LRRTM4: variants seen among roughly 807,000 people sequenced by gnomAD.
LRRTM4 encodes leucine rich repeat transmembrane neuronal 4.
LRRTM4 carries 25 observed loss-of-function variants against 47.6 expected under a neutral mutation model. That is an observed-to-expected ratio of 0.53 (90% CI 0.38 to 0.73). The LOEUF (loss-of-function observed/expected upper bound fraction) is 0.73. LRRTM4 is among the 30% of genes least tolerant of loss of function. The pLI, the probability that LRRTM4 is intolerant of heterozygous loss-of-function variation, is 0.00. For missense variants in LRRTM4, 638 were observed against 713.4 expected, an observed-to-expected ratio of 0.89 and a Z score of 1.20; for synonymous variants, 311 against 269.5, an observed-to-expected ratio of 1.15 and a Z score of -1.51.
At chr2:76,874,503 C>G (rs752383836) in intron 3 of LRRTM4, among the ~76,000 whole-genome samples, 30 of 151,804 alleles carry the variant, frequency 2.0e-4, no homozygotes, top group Non-Finnish European at 3.8e-4. Context: ...ATTTTATATG[C>G]TTTAATGAAA....
At chr2:77,510,678 T>C (rs914305048) in intron 3 of LRRTM4, among the ~76,000 whole-genome samples, 1 of 152,056 alleles carries the variant, frequency 6.6e-6, no homozygotes, top group South Asian at 2.1e-4. Flanking sequence ...TTTTGAAGCA[T>C]ATATTGCTTA....
At position 76,974,998 on chromosome 2, in the gene LRRTM4, T is replaced by C. The variant is rs187548023; in HGVS notation, c.1552-226082A>G. On this transcript the variant is annotated intron_variant, in intron 3 of 3. Transcript: ENST00000409884. Reference sequence around the variant, plus strand: ...ATCAATTAAGTGGCACTTTGGAGAGTGATTAGCTATCTATAAATATCCTAT... The same window carrying C: ...ATCAATTAAGTGGCACTTTGGAGAGCGATTAGCTATCTATAAATATCCTAT... Among the ~76,000 whole-genome samples, 330 of 151,768 alleles carry C rather than the reference T, an allele frequency of 2.2e-3. 7 individuals carry two copies. The highest frequency in any genetic ancestry group is 7.7e-3 in the African/African-American group (320 of 41,500).
intron 3 of LRRTM4, among the ~76,000 whole-genome samples, chr2:77,189,145 C>CT (rs1472168652): frequency 7.2e-5 from 11 of 151,880 alleles, no homozygotes; most frequent in Non-Finnish European, 1.5e-4. Flanking sequence ...AAATAAAGTG[C>CT]TTTTAGTAAT....
chr2:76,918,589 G>A (rs1674331039), intron 3 of LRRTM4, among the ~76,000 whole-genome samples: 1 of 152,148 alleles, frequency 6.6e-6, no homozygotes, highest in Admixed American at 6.6e-5. Flanking sequence ...TCACATAAAT[G>A]AGAGGGGGAA....
intron 3 of LRRTM4, among the ~76,000 whole-genome samples, chr2:77,221,078 A>G (rs1573097491): frequency 1.3e-5 from 2 of 152,332 alleles, no homozygotes; most frequent in East Asian, 3.9e-4. Context: ...AGAATTTTCA[A>G]CCCAGAATTT....
rs561296512 is a variant in LRRTM4 at position 77,092,766 on chromosome 2, A to T, written c.1552-343850T>A. Among the ~76,000 whole-genome samples the T allele has an allele frequency of 3.4e-3, 490 of 143,864 alleles. 26 individuals carry two copies. The highest frequency in any genetic ancestry group is 0.013 in the African/African-American group (459 of 35,038). 94.4% of individuals were successfully genotyped at this position (143,864 alleles called of 152,430 possible). A position where few individuals can be genotyped will look rare whatever the true frequency, so the allele number is the denominator to read the frequency against. On this transcript the variant is annotated intron_variant, in intron 3 of 3. Coordinates refer to ENST00000409884, the MANE Select transcript of LRRTM4 (RefSeq NM_001134745.3). ...TTCCTCAGTTTAGCCTTCCCACCTC[A>T]ATACAGTCTGATAACAGATGAGCCT...
At chr2:77,024,866 T>C (rs989174953) in intron 3 of LRRTM4, among the ~76,000 whole-genome samples, 1 of 152,154 alleles carries the variant, frequency 6.6e-6, no homozygotes, top group Non-Finnish European at 1.5e-5. Flanking sequence ...AAGGATTATA[T>C]CTTGTTGGAA....
chr2:76,884,068 C>T (rs1038404242), intron 3 of LRRTM4, among the ~76,000 whole-genome samples: 2 of 151,586 alleles, frequency 1.3e-5, no homozygotes, highest in Non-Finnish European at 2.9e-5. Flanking sequence ...AATCCACCCA[C>T]CTCGACCTCC....
intron 3 of LRRTM4, among the ~76,000 whole-genome samples, chr2:77,101,676 C>T (rs1670957095): frequency 6.6e-6 from 1 of 152,086 alleles, no homozygotes; most frequent in Non-Finnish European, 1.5e-5. Context: ...CTGATTTACT[C>T]AAAAGAAAAT....
chr2:77,205,995 C>T (rs913272095), intron 3 of LRRTM4, among the ~76,000 whole-genome samples: 3 of 151,754 alleles, frequency 2.0e-5, no homozygotes, highest in Non-Finnish European at 4.4e-5. Flanking sequence ...ACCACCACCC[C>T]TGGCAAATTT....
intron 3 of LRRTM4, among the ~76,000 whole-genome samples, chr2:77,081,552 C>T (rs1418809690): frequency 3.9e-5 from 6 of 152,064 alleles, no homozygotes; most frequent in Admixed American, 3.9e-4. Context: ...CTGCCACTCA[C>T]TCCAGAAGAA....
intron 3 of LRRTM4, among the ~76,000 whole-genome samples, chr2:77,227,364 A>C (rs1016542523): frequency 6.6e-6 from 1 of 152,124 alleles, no homozygotes; most frequent in Non-Finnish European, 1.5e-5. Flanking sequence ...AAGTTTAAAA[A>C]CACAATTTAA....
chr2:77,084,447 A>G (rs553683032), intron 3 of LRRTM4, among the ~76,000 whole-genome samples: 1 of 152,276 alleles, frequency 6.6e-6, no homozygotes, highest in East Asian at 1.9e-4. Flanking sequence ...TTGTTTAGCT[A>G]TGTTTACCAT....
At chr2:77,028,427 T>G (rs1678528598) in intron 3 of LRRTM4, among the ~76,000 whole-genome samples, 1 of 152,158 alleles carries the variant, frequency 6.6e-6, no homozygotes, top group Admixed American at 6.6e-5. Flanking sequence ...AACACACTTC[T>G]GGAAAATCCC....
intron 3 of LRRTM4, among the ~76,000 whole-genome samples, chr2:77,493,066 A>G (rs568547682): frequency 6.6e-6 from 1 of 152,252 alleles, no homozygotes; most frequent in East Asian, 1.9e-4. Context: ...CCAAAATAGA[A>G]AACAAAGGCA....
chr2:77,411,603 C>T (rs1479965130), intron 3 of LRRTM4, among the ~76,000 whole-genome samples: 1 of 148,696 alleles, frequency 6.7e-6, no homozygotes, highest in Non-Finnish European at 1.5e-5. Context: ...CAGGCCCCCG[C>T]CACCATGCCC....
At chr2:77,197,449 TCTTA>T (rs1673860662) in intron 3 of LRRTM4, among the ~76,000 whole-genome samples, 1 of 152,184 alleles carries the variant, frequency 6.6e-6, no homozygotes, top group African/African-American at 2.4e-5. Context: ...GAGCAGCATC[TCTTA>T]CTATTATTTC....
At chr2:77,017,998 C>G (rs1050232248) in intron 3 of LRRTM4, among the ~76,000 whole-genome samples, 1 of 151,600 alleles carries the variant, frequency 6.6e-6, no homozygotes, top group African/African-American at 2.4e-5. Context: ...TAAGGTAAAT[C>G]TAAATTTCTT....
At chr2:77,201,379 AC>A in intron 3 of LRRTM4, among the ~76,000 whole-genome samples, 1 of 152,090 alleles carries the variant, frequency 6.6e-6, no homozygotes, top group South Asian at 2.1e-4. Flanking sequence ...CCATATGCTA[AC>A]TTTGGTTATA....
Sources: gnomAD v4.1 joint callset for allele counts (sites outside exome capture counted in the v4.1 genomes callset) on GRCh38, gnomAD v4.1.1 for gene constraint, MANE v1.5 for transcripts, NCBI Gene and HGNC (gene_info 2026-07-23, HGNC 2026-07-21) for gene names.